The following CEP112 variants were observed in gnomAD, a reference collection of about 807,000 sequenced individuals.
The protein encoded by CEP112 is centrosomal protein 112.
A neutral mutation model predicts 153.0 loss-of-function variants in CEP112; 127 were observed. That is an observed-to-expected ratio of 0.83 (90% CI 0.72 to 0.96). The LOEUF (loss-of-function observed/expected upper bound fraction) is 0.96. Ranked by LOEUF, CEP112 falls within the 40% of genes least tolerant of loss-of-function variation. CEP112 has a pLI of 0.00. For missense variants in CEP112, 1,089 were observed against 1,101.2 expected (o/e 0.99, Z 0.16); for synonymous variants, 358 against 374.4 (o/e 0.96, Z 0.51).
chr17:65,876,411 T>C lies in CEP112; in HGVS notation c.2164-24377A>G, dbSNP rs183039350. On this transcript the variant is annotated intron_variant, in intron 20 of 26. Coordinates refer to ENST00000535342, the MANE Select transcript of CEP112 (RefSeq NM_001199165.4). ...TTCTAATAAAGGCATTTTTCTCTTT[T>C]ACCATTTATTATTTGAAATCTGATG... 2.2e-4 allele frequency among the ~76,000 whole-genome samples: 33 copies of C among 152,348 alleles called. No homozygotes were observed. In the East Asian group the frequency reaches 2.5e-3, roughly 12 times the overall value.
rs558941768 is a variant in CEP112 at position 65,812,161 on chromosome 17, G to A, written c.2394+39643C>T. ...TAGGACTACAGGCGCCCGCCACCAC[G>A]CCTGGATAATTTTTTGTATTTTTAG... On this transcript the variant is annotated intron_variant, in intron 21 of 26. Coordinates refer to ENST00000535342, the MANE Select transcript of CEP112 (RefSeq NM_001199165.4). Among the ~76,000 whole-genome samples, 7 of 151,966 alleles carry A rather than the reference G, an allele frequency of 4.6e-5. No individual in the cohort carries two copies. In the South Asian group the frequency reaches 1.3e-3, roughly 27 times the overall value.
intron 23 of CEP112, among the ~76,000 whole-genome samples, chr17:65,737,659 GTGCGCCAGCTC>G (rs1427803811): frequency 6.6e-6 from 1 of 152,208 alleles, no homozygotes; most frequent in Non-Finnish European, 1.5e-5. Flanking sequence ...ATGCTGGCTT[GTGCGCCAGCTC>G]TGCCTTCCCC....
At chr17:65,919,020 G>C (rs1339419693) in intron 19 of CEP112, among the ~76,000 whole-genome samples, 1 of 152,164 alleles carries the variant, frequency 6.6e-6, no homozygotes, top group Non-Finnish European at 1.5e-5. Flanking sequence ...TATAAAATGT[G>C]AGGATTAGAC....
intron 19 of CEP112, among the ~76,000 whole-genome samples, chr17:65,917,930 A>T (rs1387516147): frequency 6.6e-6 from 1 of 152,108 alleles, no homozygotes; most frequent in African/African-American, 2.4e-5. Context: ...TAATCCTAGC[A>T]CTTTGAGAGG....
At chr17:66,009,004 T>A (rs1219349540) in intron 16 of CEP112, among the ~76,000 whole-genome samples, 1 of 152,166 alleles carries the variant, frequency 6.6e-6, no homozygotes, top group East Asian at 1.9e-4. Context: ...AGTGTAGATA[T>A]CTCTTAAACA....
chr17:66,053,965 C>A, intron 11 of CEP112, 86 bp from the exon 12 acceptor site: 1 of 1,063,834 alleles, frequency 9.4e-7, no homozygotes, highest in Non-Finnish European at 1.4e-6. Context: ...TTTCTATATT[C>A]CTCTATTTAT....
chr17:65,995,101 T>C lies in CEP112; in HGVS notation c.1736+10589A>G, dbSNP rs529813054. Among the ~76,000 whole-genome samples the C allele has an allele frequency of 6.2e-5, 9 of 145,666 alleles. No homozygotes were observed. In the East Asian group the frequency reaches 1.7e-3, roughly 27 times the overall value. Reference sequence around the variant, plus strand: ...AAGTTGAATTCAGCAAGGAGCCTGATCATCAGAGTCCCATGTTGTTAGGGA... The same window carrying C: ...AAGTTGAATTCAGCAAGGAGCCTGACCATCAGAGTCCCATGTTGTTAGGGA... On this transcript the variant is annotated intron_variant, in intron 17 of 26. Coordinates refer to ENST00000535342, the MANE Select transcript of CEP112 (RefSeq NM_001199165.4).
chr17:66,112,837 T>C (rs552129107), intron 6 of CEP112, among the ~76,000 whole-genome samples: 2 of 152,270 alleles, frequency 1.3e-5, no homozygotes, highest in South Asian at 4.1e-4. Context: ...TCCTAGCTAC[T>C]TCAGAGGCTG....
intron 24 of CEP112, among the ~76,000 whole-genome samples, chr17:65,659,077 C>A (rs1428988890): frequency 1.4e-5 from 2 of 146,886 alleles, no homozygotes; most frequent in Non-Finnish European, 3.0e-5. Flanking sequence ...TTGAATATCA[C>A]CACCGCATAG....
chr17:65,982,311 A>T (rs2063257684), intron 17 of CEP112, among the ~76,000 whole-genome samples: 2 of 152,188 alleles, frequency 1.3e-5, no homozygotes, highest in Non-Finnish European at 2.9e-5. Flanking sequence ...AGCAGAGAAA[A>T]ATGTGCTTTA....
At chr17:65,852,134 T>C (rs911136553) in intron 20 of CEP112, 100 bp from the exon 21 acceptor site, 8 of 729,276 alleles carry the variant, frequency 1.1e-5, no homozygotes, top group Non-Finnish European at 1.3e-5. Context: ...TATGAACATA[T>C]GGAATAGAAA....
intron 21 of CEP112, among the ~76,000 whole-genome samples, chr17:65,802,616 C>T (rs548859941): frequency 8.5e-5 from 13 of 152,316 alleles, no homozygotes; most frequent in African/African-American, 3.1e-4. Context: ...AATCTTACAA[C>T]ATTCCACCAA....
At chr17:66,045,306 G>A (rs2066159753) in intron 12 of CEP112, among the ~76,000 whole-genome samples, 1 of 152,116 alleles carries the variant, frequency 6.6e-6, no homozygotes, top group African/African-American at 2.4e-5. Flanking sequence ...CTGGGCTCAA[G>A]TGATCCACCT....
At chr17:65,898,248 C>A (rs1227968600) in intron 20 of CEP112, among the ~76,000 whole-genome samples, 2 of 152,086 alleles carry the variant, frequency 1.3e-5, no homozygotes, top group Non-Finnish European at 2.9e-5. Flanking sequence ...TCAGACTATA[C>A]ATATTGTTAA....
chr17:65,826,206 T>C, intron 21 of CEP112: 2 of 1,614,198 alleles, frequency 1.2e-6, no homozygotes, highest in Non-Finnish European at 1.7e-6. Flanking sequence ...TGCTCTGTCT[T>C]GGGGACATTA....
chr17:65,889,307 T>C (rs2059387247), intron 20 of CEP112, among the ~76,000 whole-genome samples: 1 of 152,212 alleles, frequency 6.6e-6, no homozygotes, highest in Admixed American at 6.5e-5. Flanking sequence ...ACAGCCAGTG[T>C]TCATGGACTG....
intron 2 of CEP112, chr17:66,182,160 A>G (rs1013002805): frequency 6.6e-6 from 1 of 152,218 alleles, no homozygotes; most frequent in Non-Finnish European, 1.5e-5. Flanking sequence ...GCACAATACA[A>G]TAAGATATTT....
intron 20 of CEP112, among the ~76,000 whole-genome samples, chr17:65,881,951 T>C (rs894619618): frequency 2.6e-5 from 4 of 152,238 alleles, no homozygotes; most frequent in Admixed American, 2.0e-4. Flanking sequence ...TGGTTGATTG[T>C]GGTAGCTTTT....
At chr17:66,190,926 C>T (rs753406195) in intron 1 of CEP112, among the ~76,000 whole-genome samples, 1 of 152,122 alleles carries the variant, frequency 6.6e-6, no homozygotes, top group Non-Finnish European at 1.5e-5. Flanking sequence ...TTTGTTCAAT[C>T]AAATCATATT....
Sources: allele counts gnomAD v4.1 joint callset (sites outside exome capture counted in the v4.1 genomes callset), GRCh38; gene constraint gnomAD v4.1.1; transcripts MANE v1.5; gene names NCBI Gene and HGNC (gene_info 2026-07-23, HGNC 2026-07-21).